Variants in TBC1D32 observed in about 807,000 individuals in gnomAD.
The protein encoded by TBC1D32 is protein broad-minded.
In TBC1D32, 151 loss-of-function variants were observed where a neutral mutation model predicts 170.3. That is an observed-to-expected ratio of 0.89 (90% CI 0.78 to 1.01). The LOEUF (loss-of-function observed/expected upper bound fraction) is 1.01, where lower values mean the gene tolerates loss of function less well. Among genes scored for constraint, TBC1D32 ranks in the 50% least tolerant of loss-of-function variants. TBC1D32 has a pLI of 0.00. For missense variants in TBC1D32, 1,464 were observed against 1,457.1 expected, an observed-to-expected ratio of 1.00 and a Z score of -0.08; for synonymous variants, 498 against 488.0, an observed-to-expected ratio of 1.02 and a Z score of -0.27.
At chr6:121,174,520 G>A (rs567606225) in intron 22 of TBC1D32, among the ~76,000 whole-genome samples, 21 of 152,302 alleles carry the variant, frequency 1.4e-4, no homozygotes, top group Admixed American at 1.2e-3. Flanking sequence ...TACTACAAGA[G>A]TGGGGCGAGT....
intron 29 of TBC1D32, among the ~76,000 whole-genome samples, chr6:121,111,427 A>C (rs1779195228): frequency 6.6e-6 from 1 of 152,222 alleles, no homozygotes; most frequent in Non-Finnish European, 1.5e-5. Context: ...AAAGATTTTC[A>C]ACATTACATT....
chr6:121,225,896 C>T (rs995981963), intron 20 of TBC1D32, among the ~76,000 whole-genome samples: 1 of 151,948 alleles, frequency 6.6e-6, no homozygotes, highest in Non-Finnish European at 1.5e-5. Flanking sequence ...TAAGATGTTG[C>T]TAATATCAGA....
At chr6:121,120,232 C>T (rs1336323059) in intron 26 of TBC1D32, among the ~76,000 whole-genome samples, 2 of 151,914 alleles carry the variant, frequency 1.3e-5, no homozygotes, top group African/African-American at 2.4e-5. Context: ...AATTTAAATC[C>T]GCATTCAGGG....
chr6:121,221,058 C>T (rs1048222095), intron 21 of TBC1D32, among the ~76,000 whole-genome samples: 1 of 152,186 alleles, frequency 6.6e-6, no homozygotes, highest in African/African-American at 2.4e-5. Context: ...GACAGGCGAA[C>T]TCTCTTCTTA....
chr6:121,314,929 T>C (rs1169834800), intron 3 of TBC1D32, among the ~76,000 whole-genome samples: 1 of 152,232 alleles, frequency 6.6e-6, no homozygotes, highest in Non-Finnish European at 1.5e-5. Flanking sequence ...TGCCAGGCAC[T>C]GTTCTAAGCA....
At chr6:121,119,897 G>T (rs567147364) in intron 26 of TBC1D32, among the ~76,000 whole-genome samples, 4 of 152,090 alleles carry the variant, frequency 2.6e-5, no homozygotes, top group African/African-American at 9.6e-5. Context: ...TTTCTTAAAA[G>T]ATAATCAATT....
At chr6:121,302,822 C>T (rs1460650642) in intron 9 of TBC1D32, among the ~76,000 whole-genome samples, 1 of 151,992 alleles carries the variant, frequency 6.6e-6, no homozygotes, top group Non-Finnish European at 1.5e-5. Flanking sequence ...TAAGGGCTAA[C>T]CACTAGAGAC....
chr6:121,247,870 G>A lies in TBC1D32; in HGVS notation c.2019-5531C>T, dbSNP rs116017925. ...AGATTGACAACAACACAGGAATATT[G>A]GGAGACTTTAATACTCCACTGACAG... On this transcript the variant is annotated intron_variant, in intron 17 of 31. Transcript: ENST00000398212. Among the ~76,000 whole-genome samples the A allele has an allele frequency of 8.9e-3, 1,351 of 151,820 alleles. 25 individuals are homozygous for A. Among genetic ancestry groups the A allele is most frequent in the African/African-American group, 0.031 (1,277 of 41,408 alleles).
intron 26 of TBC1D32, among the ~76,000 whole-genome samples, chr6:121,116,156 C>T (rs963224851): frequency 1.3e-5 from 2 of 151,586 alleles, no homozygotes; most frequent in Admixed American, 6.6e-5. Context: ...CCTAGGTTTT[C>T]AGAATATCAT....
chr6:121,124,713 C>T (rs1297106046), intron 26 of TBC1D32, among the ~76,000 whole-genome samples: 2 of 151,860 alleles, frequency 1.3e-5, no homozygotes, highest in African/African-American at 4.8e-5. Flanking sequence ...TTCTTTATTC[C>T]TTTTCATCAT....
intron 22 of TBC1D32, among the ~76,000 whole-genome samples, chr6:121,184,580 A>G (rs1453780608): frequency 6.6e-6 from 1 of 151,896 alleles, no homozygotes; most frequent in Non-Finnish European, 1.5e-5. Flanking sequence ...CTACAGCAAA[A>G]ACAAATAAAA....
chr6:121,287,362 A>C (rs996547831), intron 12 of TBC1D32, among the ~76,000 whole-genome samples: 1 of 152,130 alleles, frequency 6.6e-6, no homozygotes, highest in Admixed American at 6.6e-5. Context: ...CCTAGTCTCT[A>C]ATAAAACAGA....
At chr6:121,183,347 C>T (rs540082028) in intron 22 of TBC1D32, among the ~76,000 whole-genome samples, 171 of 152,138 alleles carry the variant, frequency 1.1e-3, no homozygotes, top group African/African-American at 4.0e-3. Context: ...CTTGAGGATA[C>T]GGGATGATGT....
chr6:121,315,465 A>G (rs1006811285), intron 3 of TBC1D32, among the ~76,000 whole-genome samples: 3 of 152,146 alleles, frequency 2.0e-5, no homozygotes, highest in African/African-American at 7.2e-5. Flanking sequence ...ATATCCTCAT[A>G]CTTACACTAA....
At chr6:121,126,717 A>ATTCTGAAAAATAATCTTTAG in intron 25 of TBC1D32, among the ~76,000 whole-genome samples, 1 of 152,150 alleles carries the variant, frequency 6.6e-6, no homozygotes, top group Non-Finnish European at 1.5e-5. Flanking sequence ...ATCCTCTAAG[A>ATTCTGAAAAATAATCTTTAG]ATTATTTCAG....
Position 121,307,972 on chromosome 6 carries a change from T to C in TBC1D32, c.690+4A>G, listed in dbSNP as rs1195279245. 2 of 1,607,946 alleles carry C rather than the reference T, an allele frequency of 1.2e-6. No individual in the cohort carries two copies. Among genetic ancestry groups the C allele is most frequent in the Admixed American group, 3.4e-5 (2 of 58,334 alleles). On this transcript the variant is annotated splice_donor_region_variant and intron_variant, in intron 5 of 31. Coordinates refer to ENST00000398212, the MANE Select transcript of TBC1D32 (RefSeq NM_152730.6). ...TTTTAATATTTCTATAACCATTTTCTTACACTAAACACAGGATCAGGATCT... is the reference window on the plus strand; with the variant it reads ...TTTTAATATTTCTATAACCATTTTCCTACACTAAACACAGGATCAGGATCT...
Position 121,292,111 on chromosome 6 carries a change from T to C in TBC1D32, c.1314A>G (p.Arg438=), listed in dbSNP as rs898988931. The change falls in exon 12 of 32, where the codon AGA becomes AGG. Residue 438 remains arginine, a synonymous_variant. Coordinates refer to ENST00000398212, the MANE Select transcript of TBC1D32 (RefSeq NM_152730.6). ...YFIHSLCLLG[R]LLIYKQGRKL... is the part of the protein sequence containing the mutation. ...TTCTGCCTTGTTTATAGATCAATAA[T>C]CTTCCTAAAAGGCACAGTGAGTGAA... 4 of 1,603,644 alleles carry C rather than the reference T, an allele frequency of 2.5e-6. No homozygotes were observed. The African/African-American group carries it at 4.0e-5, about 16-fold the overall frequency.
chr6:121,247,221 C>T (rs1211118223), intron 17 of TBC1D32, among the ~76,000 whole-genome samples: 1 of 151,990 alleles, frequency 6.6e-6, no homozygotes, highest in Non-Finnish European at 1.5e-5. Context: ...TCCAGCAAAA[C>T]TAAGCTTCAT....
intron 15 of TBC1D32, among the ~76,000 whole-genome samples, chr6:121,266,277 A>C (rs1426298197): frequency 1.3e-5 from 2 of 152,166 alleles, no homozygotes; most frequent in East Asian, 3.9e-4. Flanking sequence ...CACTTCTCAA[A>C]AGAAGACATT....
Sources: gnomAD v4.1 joint callset for allele counts (sites outside exome capture counted in the v4.1 genomes callset) on GRCh38, gnomAD v4.1.1 for gene constraint, MANE v1.5 for transcripts, NCBI Gene and HGNC (gene_info 2026-07-23, HGNC 2026-07-21) for gene names.